The following SORCS3 variants were observed in gnomAD, a reference collection of about 807,000 sequenced individuals.
The protein encoded by SORCS3 is VPS10 domain-containing receptor SorCS3.
In SORCS3, 57 loss-of-function variants were observed where a neutral mutation model predicts 146.3. The ratio of observed to expected loss-of-function variants is 0.39; its 90% CI spans 0.31 to 0.49. The LOEUF (loss-of-function observed/expected upper bound fraction) is 0.49, where lower values mean the gene tolerates loss of function less well. Among genes scored for constraint, SORCS3 ranks in the 20% least tolerant of loss-of-function variants. SORCS3 has a pLI of 0.92. For synonymous variants in SORCS3, 653 were observed against 618.5 expected (o/e 1.06, Z -0.83); for missense variants, 1,341 against 1,575.5 (o/e 0.85, Z 2.52).
chr10:105,244,115 C>T (rs2056852259), intron 20 of SORCS3, among the ~76,000 whole-genome samples: 1 of 152,100 alleles, frequency 6.6e-6, no homozygotes, highest in Non-Finnish European at 1.5e-5. Context: ...AGATCAGCCT[C>T]CAACTGTTAC....
intron 1 of SORCS3, among the ~76,000 whole-genome samples, chr10:104,766,515 C>G (rs1474467874): frequency 1.3e-5 from 2 of 152,210 alleles, no homozygotes; most frequent in Non-Finnish European, 2.9e-5. Context: ...TGTGTTCACT[C>G]TTGTATCGCA....
intron 1 of SORCS3, among the ~76,000 whole-genome samples, chr10:104,788,042 T>C (rs993583968): frequency 2.0e-5 from 3 of 152,202 alleles, no homozygotes; most frequent in African/African-American, 4.8e-5. Flanking sequence ...AGACTCTACT[T>C]GGAGCCACTT....
rs183166534 is a variant in SORCS3, at chr10:104,933,120, G to A, written c.795+17188G>A. 2.2e-4 allele frequency among the ~76,000 whole-genome samples: 34 copies of A among 152,198 alleles called. 1 individual carries two copies. Among genetic ancestry groups the A allele is most frequent in the Admixed American group, 1.7e-3 (26 of 15,280 alleles). On this transcript the variant is annotated intron_variant, in intron 3 of 26. Transcript: ENST00000369701. ...TTCCCTAGATCAGCAGTGATGCTTTGGCTCTGCAAGATACAGAAAACTCTG... is the reference window on the plus strand; with the variant it reads ...TTCCCTAGATCAGCAGTGATGCTTTAGCTCTGCAAGATACAGAAAACTCTG...
At chr10:105,225,649 G>T (rs1392000502) in intron 20 of SORCS3, among the ~76,000 whole-genome samples, 2 of 151,918 alleles carry the variant, frequency 1.3e-5, no homozygotes, top group Non-Finnish European at 2.9e-5. Flanking sequence ...GCATTGGATT[G>T]CATCTATAGA....
At chr10:104,887,527 G>A (rs544880376) in intron 2 of SORCS3, among the ~76,000 whole-genome samples, 6 of 152,156 alleles carry the variant, frequency 3.9e-5, no homozygotes, top group Admixed American at 2.6e-4. Flanking sequence ...ACTTCCTCCT[G>A]GTGGCTTGTT....
chr10:104,936,242 A>G (rs1319881326), intron 3 of SORCS3, among the ~76,000 whole-genome samples: 1 of 152,200 alleles, frequency 6.6e-6, no homozygotes, highest in Non-Finnish European at 1.5e-5. Context: ...AAGACAGGTT[A>G]TAGAACTGTA....
intron 2 of SORCS3, among the ~76,000 whole-genome samples, chr10:104,862,183 G>T (rs1184995638): frequency 6.6e-6 from 1 of 152,212 alleles, no homozygotes; most frequent in Non-Finnish European, 1.5e-5. Flanking sequence ...GAGGCTGAAG[G>T]ATGAGGAAGA....
At chr10:105,133,441 A>T (rs1477444382) in intron 7 of SORCS3, among the ~76,000 whole-genome samples, 1 of 152,196 alleles carries the variant, frequency 6.6e-6, no homozygotes, top group Non-Finnish European at 1.5e-5. Flanking sequence ...GCCCAGGTTT[A>T]TAAGGGTTCA....
intron 4 of SORCS3, among the ~76,000 whole-genome samples, chr10:105,020,830 G>C (rs2055193769): frequency 6.6e-6 from 1 of 152,152 alleles, no homozygotes; most frequent in South Asian, 2.1e-4. Context: ...CATTCGTGGA[G>C]GGATACCACA....
At chr10:105,149,289 C>T (rs749622415) in intron 9 of SORCS3, among the ~76,000 whole-genome samples, 6 of 152,038 alleles carry the variant, frequency 3.9e-5, no homozygotes, top group Admixed American at 6.6e-5. Context: ...AATGAATGTA[C>T]ATTTTAAAAG....
intron 3 of SORCS3, among the ~76,000 whole-genome samples, chr10:104,944,699 A>G (rs188630762): frequency 3.9e-5 from 6 of 152,370 alleles, no homozygotes; most frequent in Non-Finnish European, 8.8e-5. Flanking sequence ...AAAAGATAAT[A>G]TCAAGTGTTG....
chr10:104,729,424 C>T (rs2133451819), intron 1 of SORCS3, among the ~76,000 whole-genome samples: 1 of 152,266 alleles, frequency 6.6e-6, no homozygotes, highest in Middle Eastern at 3.4e-3. Context: ...TATTCTTGAT[C>T]CTGCATTGTT....
chr10:105,200,255 A>C (rs1317709330), intron 15 of SORCS3, 139 bp downstream of exon 15: 4 of 674,214 alleles, frequency 5.9e-6, no homozygotes, highest in Non-Finnish European at 7.8e-6. Flanking sequence ...ATTTGGAGAA[A>C]AGGGTGAAAC....
chr10:104,986,685 G>A (rs1440503436), intron 4 of SORCS3, among the ~76,000 whole-genome samples: 1 of 152,154 alleles, frequency 6.6e-6, no homozygotes, highest in Non-Finnish European at 1.5e-5. Context: ...TGATTTGAAT[G>A]TTGTTATGTC....
At chr10:104,642,022 G>GGGTGTGGGTGGGGGGGGGGGGGGCCCC in intron 1 of SORCS3, 68 bp downstream of exon 1, 1 of 173,336 alleles carries the variant, frequency 5.8e-6, no homozygotes, top group East Asian at 1.5e-4. Flanking sequence ...GGGTGGGTGG[G>GGGTGTGGGTGGGGGGGGGGGGGGCCCC]AGCGAGGGAC....
intron 14 of SORCS3, among the ~76,000 whole-genome samples, chr10:105,193,856 T>A (rs568762803): frequency 2.6e-5 from 4 of 152,104 alleles, no homozygotes; most frequent in Admixed American, 6.6e-5. Context: ...ACCAGAGTCA[T>A]GTTAGCAGTG....
intron 1 of SORCS3, among the ~76,000 whole-genome samples, chr10:104,713,128 C>CGT (rs5787541): frequency 1.5e-4 from 23 of 150,160 alleles, no homozygotes; most frequent in Middle Eastern, 3.4e-3. Context: ...AGTGTGTGTG[C>CGT]GTGTGTGTGT....
chr10:105,118,859 G>A (rs1479720136), intron 7 of SORCS3, among the ~76,000 whole-genome samples: 1 of 152,142 alleles, frequency 6.6e-6, no homozygotes, highest in Non-Finnish European at 1.5e-5. Context: ...TCAAGAGAAA[G>A]CAGATCATAA....
At chr10:105,080,790 C>A (rs563603606) in intron 5 of SORCS3, among the ~76,000 whole-genome samples, 1 of 152,116 alleles carries the variant, frequency 6.6e-6, no homozygotes, top group South Asian at 2.1e-4. Flanking sequence ...ACCAAAACAG[C>A]ATGATACTGG....
Sources: gnomAD v4.1 joint callset for allele counts (sites outside exome capture counted in the v4.1 genomes callset) on GRCh38, gnomAD v4.1.1 for gene constraint, MANE v1.5 for transcripts, NCBI Gene and HGNC (gene_info 2026-07-23, HGNC 2026-07-21) for gene names.